PDE12: variants seen among roughly 807,000 people sequenced by gnomAD.
The protein encoded by PDE12 is 2',5'-phosphodiesterase 12.
PDE12 carries 26 observed loss-of-function variants against 45.4 expected under a neutral mutation model. That is an observed-to-expected ratio of 0.57 (90% CI 0.42 to 0.79). The LOEUF (loss-of-function observed/expected upper bound fraction) is 0.79. PDE12 is among the 30% of genes least tolerant of loss of function. The probability of loss-of-function intolerance (pLI) is 0.00; values close to 1 mark genes in which losing one functional copy is unlikely to be tolerated. For synonymous variants in PDE12, 283 were observed against 323.9 expected (o/e 0.87, Z 1.36); for missense variants, 668 against 790.0 (o/e 0.85, Z 1.85).
At chr3:57,651,195 C>T in the PDE12 span, among the ~76,000 whole-genome samples, 3 of 152,170 alleles carry the variant, frequency 2.0e-5, no homozygotes, top group Non-Finnish European at 2.9e-5. Flanking sequence ...AAGCAGTACG[C>T]ATTCAGTATG....
the PDE12 span, among the ~76,000 whole-genome samples, chr3:57,578,481 C>A: frequency 1.3e-4 from 15 of 119,062 alleles, no homozygotes; most frequent in East Asian, 3.1e-3. Context: ...CTTAGAGATA[C>A]AAATATTAGC....
chr3:57,649,771 C>T, the PDE12 span, among the ~76,000 whole-genome samples: 1 of 151,748 alleles, frequency 6.6e-6, no homozygotes, highest in Non-Finnish European at 1.5e-5. Flanking sequence ...CCTTACCCTG[C>T]TCACTCTCTG....
downstream of PDE12, among the ~76,000 whole-genome samples, chr3:57,570,843 CA>C (rs2069833870): frequency 6.6e-6 from 1 of 152,150 alleles, no homozygotes; most frequent in African/African-American, 2.4e-5. Context: ...ATACAAGTAG[CA>C]CCTGAATTTT....
chr3:57,613,465 T>G, the PDE12 span, among the ~76,000 whole-genome samples: 2 of 151,744 alleles, frequency 1.3e-5, no homozygotes, highest in African/African-American at 4.8e-5. Context: ...GGGTAATTTT[T>G]GTATTTTTCG....
At chr3:57,620,651 A>C in the PDE12 span, among the ~76,000 whole-genome samples, 1 of 152,186 alleles carries the variant, frequency 6.6e-6, no homozygotes, top group African/African-American at 2.4e-5. Context: ...ATCAATATAT[A>C]AAAACTATAT....
chr3:57,643,134 G>A, the PDE12 span, among the ~76,000 whole-genome samples: 1 of 152,096 alleles, frequency 6.6e-6, no homozygotes, highest in Non-Finnish European at 1.5e-5. Flanking sequence ...TGGAAAGGGA[G>A]CAATAGAAAG....
chr3:57,573,014 A>G, the PDE12 span, among the ~76,000 whole-genome samples: 1 of 151,964 alleles, frequency 6.6e-6, no homozygotes, highest in Non-Finnish European at 1.5e-5. Flanking sequence ...CTTCCTGGCT[A>G]ACGCAGTGAA....
chr3:57,588,126 G>C, the PDE12 span, among the ~76,000 whole-genome samples: 112 of 152,252 alleles, frequency 7.4e-4, no homozygotes, highest in African/African-American at 2.7e-3. Flanking sequence ...GCCAAGATAA[G>C]ACTAATCTGT....
the PDE12 span, among the ~76,000 whole-genome samples, chr3:57,656,464 T>G: frequency 6.6e-6 from 1 of 152,226 alleles, no homozygotes; most frequent in Non-Finnish European, 1.5e-5. Context: ...TTTTATACTG[T>G]TATGAATAAA....
At chr3:57,576,502 AG>A in the PDE12 span, among the ~76,000 whole-genome samples, 1 of 144,216 alleles carries the variant, frequency 6.9e-6, no homozygotes, top group Non-Finnish European at 1.5e-5. Context: ...GTCTCAACCA[AG>A]CTTTTTTTTT....
the PDE12 span, among the ~76,000 whole-genome samples, chr3:57,577,045 G>A: frequency 6.7e-6 from 1 of 150,250 alleles, no homozygotes; most frequent in Non-Finnish European, 1.5e-5. Context: ...GATTACCCAT[G>A]AGGCATTCTA....
the PDE12 span, chr3:57,628,854 T>C: frequency 6.2e-7 from 1 of 1,613,136 alleles, no homozygotes; most frequent in Non-Finnish European, 8.5e-7. Context: ...TGTTTCTACT[T>C]CTGTGTGTTT....
chr3:57,573,201 C>CAA, the PDE12 span, among the ~76,000 whole-genome samples: 156 of 125,724 alleles, frequency 1.2e-3, 3 homozygotes, highest in Middle Eastern at 4.0e-3. Flanking sequence ...GACTCCATCT[C>CAA]AAAAAAAAAA....
At chr3:57,647,312 A>T in the PDE12 span, among the ~76,000 whole-genome samples, 1 of 152,190 alleles carries the variant, frequency 6.6e-6, no homozygotes, top group African/African-American at 2.4e-5. Flanking sequence ...ACAAAAAAAC[A>T]GCTCATGGGT....
In PDE12 at chr3:57,562,168, T is replaced by C; in HGVS notation, c.*2164T>C. ...TGTCACATCAAAAAGTTGAGAAACA[T>C]TTTGAAAGAAAAAATTCGAACATGC... On this transcript the variant is annotated 3_prime_UTR_variant, in exon 3 of 3. Coordinates refer to ENST00000311180, the MANE Select transcript of PDE12 (RefSeq NM_177966.7). 2 of 933,210 alleles carry C rather than the reference T, an allele frequency of 2.1e-6. No individual in the cohort carries two copies. The highest frequency in any genetic ancestry group is 2.6e-6 in the Non-Finnish European group (2 of 782,498). The allele number at this position is 933,210 out of a possible 1,614,324, so 57.8% of individuals were successfully genotyped here.
chr3:57,578,604 C>T, the PDE12 span, among the ~76,000 whole-genome samples: 3 of 151,990 alleles, frequency 2.0e-5, no homozygotes, highest in African/African-American at 4.8e-5. Flanking sequence ...CTCAGCCTCC[C>T]AAGTAGCTGG....
At chr3:57,574,977 G>T in the PDE12 span, among the ~76,000 whole-genome samples, 1 of 152,038 alleles carries the variant, frequency 6.6e-6, no homozygotes, top group East Asian at 1.9e-4. Flanking sequence ...GCCTTCCTGA[G>T]TAGCTGGGAT....
At chr3:57,601,131 A>T in the PDE12 span, among the ~76,000 whole-genome samples, 3 of 150,142 alleles carry the variant, frequency 2.0e-5, no homozygotes, top group Non-Finnish European at 3.0e-5. Flanking sequence ...ATTTTATTTT[A>T]TTTTTTTTTG....
At chr3:57,577,458 A>C in the PDE12 span, 1 of 1,207,290 alleles carries the variant, frequency 8.3e-7, no homozygotes, top group Non-Finnish European at 1.2e-6. Context: ...TGTAGGCAGC[A>C]AAATGGTACC....
Sources: allele counts gnomAD v4.1 joint callset (sites outside exome capture counted in the v4.1 genomes callset), GRCh38; gene constraint gnomAD v4.1.1; transcripts MANE v1.5; gene names NCBI Gene and HGNC (gene_info 2026-07-23, HGNC 2026-07-21).